CPA6: variants seen among roughly 807,000 people sequenced by gnomAD.
CPA6 encodes carboxypeptidase A6.
A neutral mutation model predicts 63.3 loss-of-function variants in CPA6; 58 were observed. That is an observed-to-expected ratio of 0.92 (90% CI 0.74 to 1.14). The LOEUF (loss-of-function observed/expected upper bound fraction) is 1.14. Among genes scored for constraint, CPA6 ranks in the 50% most tolerant of loss-of-function variants. The pLI, the probability that CPA6 is intolerant of heterozygous loss-of-function variation, is 0.00. For missense variants in CPA6, 565 were observed against 526.6 expected (o/e 1.07, Z -0.71); for synonymous variants, 185 against 179.0 (o/e 1.03, Z -0.27).
intron 2 of CPA6, among the ~76,000 whole-genome samples, chr8:67,607,977 T>TC (rs36049951): frequency 0.15 from 22,665 of 152,152 alleles, 2,155 homozygotes; most frequent in East Asian, 0.43. Flanking sequence ...GCAGCTTTCC[T>TC]CTATGGAGTG....
intron 2 of CPA6, among the ~76,000 whole-genome samples, chr8:67,592,152 T>C (rs1814146460): frequency 6.6e-6 from 1 of 152,184 alleles, no homozygotes; most frequent in Non-Finnish European, 1.5e-5. Context: ...AATCACGTGG[T>C]TTTTGTCTTT....
At chr8:67,594,958 G>T (rs1287340927) in intron 2 of CPA6, among the ~76,000 whole-genome samples, 1 of 152,164 alleles carries the variant, frequency 6.6e-6, no homozygotes, top group Non-Finnish European at 1.5e-5. Flanking sequence ...GGGGCGCTCT[G>T]CTTTTTAGAG....
At chr8:67,641,978 T>C (rs2380436) in intron 1 of CPA6, among the ~76,000 whole-genome samples, 38,714 of 152,066 alleles carry the variant, frequency 0.25, 5,120 homozygotes, top group African/African-American at 0.32. Context: ...TAGCAATTCA[T>C]ATAACAAAAG....
chr8:67,706,503 AT>A (rs1052824908), intron 1 of CPA6, among the ~76,000 whole-genome samples: 8 of 150,054 alleles, frequency 5.3e-5, no homozygotes, highest in Admixed American at 2.0e-4. Context: ...GGGAATGTGG[AT>A]TTTTTTTTTG....
At chr8:67,680,433 A>G (rs1384436603) in intron 1 of CPA6, among the ~76,000 whole-genome samples, 1 of 151,644 alleles carries the variant, frequency 6.6e-6, no homozygotes, top group Non-Finnish European at 1.5e-5. Context: ...GACACAAGCC[A>G]TGAAAGTGCC....
At chr8:67,526,566 C>A (rs1366677161) in intron 2 of CPA6, among the ~76,000 whole-genome samples, 5 of 152,114 alleles carry the variant, frequency 3.3e-5, no homozygotes, top group Non-Finnish European at 7.4e-5. Flanking sequence ...GCCAGGCTGG[C>A]TCTTCCTTTT....
chr8:67,444,795 C>T (rs1403265181), intron 8 of CPA6, among the ~76,000 whole-genome samples: 1 of 149,152 alleles, frequency 6.7e-6, no homozygotes, highest in Non-Finnish European at 1.5e-5. Flanking sequence ...AAAGTAAAAT[C>T]ACTCAAAATG....
intron 10 of CPA6, among the ~76,000 whole-genome samples, chr8:67,424,272 T>C (rs572127807): frequency 6.6e-5 from 10 of 152,324 alleles, no homozygotes; most frequent in African/African-American, 2.2e-4. Context: ...ATGAATGTAA[T>C]GCATTTGAAT....
At chr8:67,475,894 CTT>C (rs1245318515) in intron 8 of CPA6, among the ~76,000 whole-genome samples, 16 of 63,586 alleles carry the variant, frequency 2.5e-4, no homozygotes, top group South Asian at 5.0e-4. Flanking sequence ...TTCTTTCTTT[CTT>C]TCTTTCTTTC....
intron 8 of CPA6, among the ~76,000 whole-genome samples, chr8:67,461,080 T>A (rs1325763513): frequency 1.3e-5 from 2 of 151,508 alleles, no homozygotes; most frequent in East Asian, 1.9e-4. Flanking sequence ...TAATTTTTTT[T>A]ATTGATCATT....
At chr8:67,445,263 TA>T in intron 8 of CPA6, among the ~76,000 whole-genome samples, 1 of 151,704 alleles carries the variant, frequency 6.6e-6, no homozygotes, top group Non-Finnish European at 1.5e-5. Context: ...AAAGAAAGAA[TA>T]GGGGAAAAGT....
At chr8:67,681,220 T>TTTTTTTTTTTTTTTTTTTTTTAAG in intron 1 of CPA6, among the ~76,000 whole-genome samples, 1 of 129,832 alleles carries the variant, frequency 7.7e-6, no homozygotes, top group South Asian at 2.6e-4. Flanking sequence ...TTTTTTTTTT[T>TTTTTTTTTTTTTTTTTTTTTTAAG]GAGACGGAGT....
chr8:67,719,336 G>A (rs1817446941), intron 1 of CPA6, among the ~76,000 whole-genome samples: 1 of 152,144 alleles, frequency 6.6e-6, no homozygotes, highest in Non-Finnish European at 1.5e-5. Context: ...GTAGCATCCC[G>A]AGTGGATACA....
intron 8 of CPA6, among the ~76,000 whole-genome samples, chr8:67,458,319 C>T (rs1466764105): frequency 2.0e-5 from 3 of 152,100 alleles, no homozygotes; most frequent in Admixed American, 2.0e-4. Flanking sequence ...GCCTCACCCT[C>T]CCTGAGTAGC....
intron 2 of CPA6, among the ~76,000 whole-genome samples, chr8:67,600,317 T>TC (rs1814461238): frequency 7.4e-6 from 1 of 134,854 alleles, no homozygotes; most frequent in South Asian, 2.6e-4. Context: ...AAAGTTGAAT[T>TC]CATAAAGCAC....
intron 8 of CPA6, among the ~76,000 whole-genome samples, chr8:67,471,286 C>T (rs1314209545): frequency 6.6e-6 from 1 of 152,178 alleles, no homozygotes; most frequent in East Asian, 1.9e-4. Context: ...GCTCACCAAC[C>T]CTCACTGCTG....
intron 1 of CPA6, among the ~76,000 whole-genome samples, chr8:67,652,950 C>A (rs1262106513): frequency 3.3e-5 from 5 of 151,662 alleles, no homozygotes; most frequent in Non-Finnish European, 7.4e-5. Flanking sequence ...TTTCAGCTTT[C>A]TACATATGGC....
At chr8:67,691,329 GTA>G (rs1329267126) in intron 1 of CPA6, among the ~76,000 whole-genome samples, 2 of 152,216 alleles carry the variant, frequency 1.3e-5, no homozygotes, top group Non-Finnish European at 2.9e-5. Context: ...ACTGTGGACT[GTA>G]TTTTTTGGCT....
At chr8:67,458,373 T>C (rs1810726382) in intron 8 of CPA6, among the ~76,000 whole-genome samples, 3 of 152,132 alleles carry the variant, frequency 2.0e-5, no homozygotes, top group Admixed American at 1.3e-4. Context: ...ATTTTTTGTA[T>C]TTTTAGTAGA....
Sources: gnomAD v4.1 joint callset for allele counts (sites outside exome capture counted in the v4.1 genomes callset) on GRCh38, gnomAD v4.1.1 for gene constraint, MANE v1.5 for transcripts, NCBI Gene and HGNC (gene_info 2026-07-23, HGNC 2026-07-21) for gene names.